Variants in NRG3 observed in about 807,000 individuals in gnomAD.
NRG3 encodes pro-neuregulin-3, membrane-bound isoform.
A neutral mutation model predicts 66.9 loss-of-function variants in NRG3; 31 were observed. The ratio of observed to expected loss-of-function variants is 0.46; its 90% CI spans 0.35 to 0.63. The LOEUF (loss-of-function observed/expected upper bound fraction) is 0.63. Among genes scored for constraint, NRG3 ranks in the 20% least tolerant of loss-of-function variants. The pLI, the probability that NRG3 is intolerant of heterozygous loss-of-function variation, is 0.00. For missense variants in NRG3, 910 were observed against 878.9 expected (o/e 1.04, Z -0.45); for synonymous variants, 393 against 359.4 (o/e 1.09, Z -1.06).
At chr10:82,900,147 G>A (rs1844071508) in intron 4 of NRG3, among the ~76,000 whole-genome samples, 2 of 152,064 alleles carry the variant, frequency 1.3e-5, no homozygotes. Context: ...CTCATGAGAA[G>A]TCACACAGTA....
chr10:82,722,965 G>GTATA (rs201817622), intron 2 of NRG3, among the ~76,000 whole-genome samples: 1 of 151,484 alleles, frequency 6.6e-6, no homozygotes, highest in African/African-American at 2.4e-5. Context: ...CCCACTACTA[G>GTATA]TATATATATA....
intron 1 of NRG3, among the ~76,000 whole-genome samples, chr10:82,121,038 A>G (rs887483405): frequency 3.3e-5 from 5 of 152,098 alleles, no homozygotes; most frequent in African/African-American, 1.2e-4. Flanking sequence ...CCCCACTGCC[A>G]TGATGTAATA....
At chr10:82,975,254 C>G (rs778338693) in intron 7 of NRG3, among the ~76,000 whole-genome samples, 10 of 152,154 alleles carry the variant, frequency 6.6e-5, no homozygotes, top group Non-Finnish European at 1.0e-4. Context: ...GGTATTTTCT[C>G]CTCCTGATTA....
intron 2 of NRG3, among the ~76,000 whole-genome samples, chr10:82,538,107 A>T (rs1158608114): frequency 6.6e-6 from 1 of 152,222 alleles, no homozygotes; most frequent in Non-Finnish European, 1.5e-5. Context: ...GTGAACAGTC[A>T]TTGAGAGGTC....
At chr10:81,888,962 G>A (rs1037238310) in intron 1 of NRG3, among the ~76,000 whole-genome samples, 3 of 152,182 alleles carry the variant, frequency 2.0e-5, no homozygotes, top group Non-Finnish European at 1.5e-5. Context: ...ATATATTTAA[G>A]TATTGACTTC....
chr10:82,221,076 G>A (rs929947251), intron 1 of NRG3, among the ~76,000 whole-genome samples: 1 of 152,112 alleles, frequency 6.6e-6, no homozygotes, highest in East Asian at 1.9e-4. Flanking sequence ...AAGTAGGCTA[G>A]GAAGGAAGTC....
intron 1 of NRG3, among the ~76,000 whole-genome samples, chr10:82,148,503 G>A (rs911179306): frequency 6.6e-6 from 1 of 151,938 alleles, no homozygotes; most frequent in African/African-American, 2.4e-5. Flanking sequence ...TAAATATCTT[G>A]TCTTATTTTT....
intron 2 of NRG3, among the ~76,000 whole-genome samples, chr10:82,635,289 G>A (rs1441577445): frequency 6.6e-6 from 1 of 152,068 alleles, no homozygotes; most frequent in Non-Finnish European, 1.5e-5. Context: ...TTATTTGAAA[G>A]GTTCTCTCCC....
At chr10:82,931,358 A>G (rs1389597862) in intron 4 of NRG3, among the ~76,000 whole-genome samples, 1 of 152,210 alleles carries the variant, frequency 6.6e-6, no homozygotes, top group Non-Finnish European at 1.5e-5. Context: ...ATGAAGCAAG[A>G]CATGCTTGAA....
At chr10:82,719,830 A>G (rs768741098) in intron 2 of NRG3, among the ~76,000 whole-genome samples, 20 of 152,226 alleles carry the variant, frequency 1.3e-4, no homozygotes, top group Middle Eastern at 3.4e-3. Flanking sequence ...CATTTCAGAT[A>G]CTTAAAGAGG....
At chr10:82,428,612 G>A (rs148890482) in intron 2 of NRG3, among the ~76,000 whole-genome samples, 5 of 152,044 alleles carry the variant, frequency 3.3e-5, no homozygotes, top group African/African-American at 1.2e-4. Flanking sequence ...ATGCATAAAT[G>A]TTTGATTTAT....
chr10:82,565,717 T>C (rs1166665357), intron 2 of NRG3, among the ~76,000 whole-genome samples: 6 of 152,082 alleles, frequency 3.9e-5, no homozygotes, highest in African/African-American at 1.4e-4. Context: ...ATGACTTTCT[T>C]CAGATGATTT....
At chr10:82,934,331 G>A (rs954865153) in intron 4 of NRG3, among the ~76,000 whole-genome samples, 1 of 125,846 alleles carries the variant, frequency 7.9e-6, no homozygotes, top group African/African-American at 3.4e-5. Context: ...CATAGACACA[G>A]TAGAGACTTG....
At chr10:82,630,712 C>G (rs1286006903) in intron 2 of NRG3, among the ~76,000 whole-genome samples, 1 of 151,784 alleles carries the variant, frequency 6.6e-6, no homozygotes, top group Non-Finnish European at 1.5e-5. Flanking sequence ...GTTTTAATGG[C>G]CAATTTTATA....
chr10:82,092,243 A>G (rs2066070530), intron 1 of NRG3, among the ~76,000 whole-genome samples: 1 of 152,158 alleles, frequency 6.6e-6, no homozygotes. Context: ...AAGTGGCAGA[A>G]ACCTGATGCA....
At chr10:82,833,034 C>A (rs2062605837) in intron 3 of NRG3, among the ~76,000 whole-genome samples, 1 of 152,050 alleles carries the variant, frequency 6.6e-6, no homozygotes, top group Admixed American at 6.6e-5. Flanking sequence ...CTGTGGACAT[C>A]TTTCATTAGA....
chr10:81,955,598 A>G (rs1849754957), intron 1 of NRG3, among the ~76,000 whole-genome samples: 1 of 152,138 alleles, frequency 6.6e-6, no homozygotes, highest in African/African-American at 2.4e-5. Flanking sequence ...ACAGCATCTT[A>G]TTCTTTAAAT....
intron 2 of NRG3, among the ~76,000 whole-genome samples, chr10:82,388,846 C>A (rs945350960): frequency 2.0e-5 from 3 of 152,144 alleles, no homozygotes; most frequent in African/African-American, 7.2e-5. Flanking sequence ...CTCTCCATAC[C>A]ATCGGCATCA....
intron 2 of NRG3, among the ~76,000 whole-genome samples, chr10:82,545,180 G>A (rs1353073568): frequency 6.6e-6 from 1 of 151,974 alleles, no homozygotes; most frequent in Admixed American, 6.5e-5. Context: ...ATGGGAGCTG[G>A]TTTCCCTTTT....
Sources: allele counts gnomAD v4.1 joint callset (sites outside exome capture counted in the v4.1 genomes callset), GRCh38; gene constraint gnomAD v4.1.1; transcripts MANE v1.5; gene names NCBI Gene and HGNC (gene_info 2026-07-23, HGNC 2026-07-21).